Variants in MYOCD observed in about 807,000 individuals in gnomAD.
The protein encoded by MYOCD is myocardin.
A neutral mutation model predicts 96.1 loss-of-function variants in MYOCD; 32 were observed. That is an observed-to-expected ratio of 0.33 (90% confidence interval 0.25 to 0.45). MYOCD has a LOEUF of 0.45. Ranked by LOEUF, MYOCD falls within the 20% of genes least tolerant of loss-of-function variation. The probability of loss-of-function intolerance (pLI) is 1.00; values close to 1 mark genes in which losing one functional copy is unlikely to be tolerated. For missense variants in MYOCD, 1,133 were observed against 1,200.6 expected (o/e 0.94, Z 0.83); for synonymous variants, 469 against 469.0 (o/e 1.00, Z 0.00).
At chr17:12,755,822 A>C (rs2032996344) in intron 10 of MYOCD, among the ~76,000 whole-genome samples, 1 of 152,216 alleles carries the variant, frequency 6.6e-6, no homozygotes, top group African/African-American at 2.4e-5. Context: ...CAGTGAGCCG[A>C]GATCGCACCA....
chr17:12,695,714 C>T (rs1040710004), intron 1 of MYOCD, among the ~76,000 whole-genome samples: 6 of 152,114 alleles, frequency 3.9e-5, no homozygotes, highest in African/African-American at 1.2e-4. Context: ...TGGTATAATA[C>T]ACATAAAATG....
intron 1 of MYOCD, among the ~76,000 whole-genome samples, chr17:12,669,427 AC>A (rs1909566925): frequency 6.6e-6 from 1 of 152,108 alleles, no homozygotes; most frequent in Non-Finnish European, 1.5e-5. Context: ...ACTTGACCCC[AC>A]CCCCACAAAT....
At chr17:12,709,278 A>G (rs997377319) in intron 2 of MYOCD, among the ~76,000 whole-genome samples, 1 of 152,258 alleles carries the variant, frequency 6.6e-6, no homozygotes, top group African/African-American at 2.4e-5. Flanking sequence ...AGTAATAAAC[A>G]GTGGTTAGCA....
rs1210072737 is a variant in MYOCD at position 12,767,125 on chromosome 17, A to G, written c.*3481A>G. The G allele has an allele frequency of 6.6e-6, 1 of 152,166 alleles. No individual in the cohort carries two copies. The highest frequency in any genetic ancestry group is 2.4e-5 in the African/African-American group (1 of 41,454). The allele number at this position is 152,166 out of a possible 1,614,324, so 9.4% of individuals were successfully genotyped here. On this transcript the variant is annotated 3_prime_UTR_variant, in exon 14 of 14. Coordinates refer to ENST00000425538, the MANE Select transcript of MYOCD (RefSeq NM_001146312.3). ...AAACTTTCTGATCTATGAACTTCTC[A>G]GTTCAGCTGTCACATTATGAGAAGT... is the stretch of plus-strand genomic sequence containing the variant.
intron 7 of MYOCD, 151 bp from the exon 8 acceptor site, chr17:12,744,032 A>G (rs2032587785): frequency 1.1e-6 from 1 of 871,496 alleles, no homozygotes; most frequent in Admixed American, 2.8e-5. Context: ...TTAGTGTCCT[A>G]GGAGCTCTTT....
rs781111084 is a variant in MYOCD at position 12,763,134 on chromosome 17, A to G, written c.2451A>G (p.Arg817=). The G allele has an allele frequency of 1.9e-6, 3 of 1,614,100 alleles. No homozygotes were observed. Among genetic ancestry groups the G allele is most frequent in the Non-Finnish European group, 2.5e-6 (3 of 1,180,014 alleles). ...TTCAAAAAGTCCCAAAGATACCCAG[A>G]TCTTCCCGAAGTCCAACTGCTGTCC... is the stretch of plus-strand genomic sequence containing the variant. ...SCLQKVPKIP[R]SSRSPTAVLT... The change falls in exon 14 of 14, where the codon AGA becomes AGG. Residue 817 remains arginine (R), a synonymous_variant. Coordinates refer to ENST00000425538, the MANE Select transcript of MYOCD (RefSeq NM_001146312.3).
chr17:12,674,430 A>G (rs1909890620), intron 1 of MYOCD, among the ~76,000 whole-genome samples: 2 of 152,212 alleles, frequency 1.3e-5, no homozygotes, highest in South Asian at 4.1e-4. Context: ...ATTCCTACAA[A>G]GTCCCAGGGG....
At chr17:12,730,845 T>A (rs1191525216) in intron 5 of MYOCD, among the ~76,000 whole-genome samples, 2 of 152,224 alleles carry the variant, frequency 1.3e-5, no homozygotes, top group African/African-American at 4.8e-5. Flanking sequence ...TTCTACTTCA[T>A]GGTTTCCTGC....
intron 4 of MYOCD, among the ~76,000 whole-genome samples, chr17:12,718,361 G>A (rs182167198): frequency 1.3e-4 from 20 of 152,286 alleles, no homozygotes; most frequent in South Asian, 2.1e-4. Flanking sequence ...GGGCTGGAAC[G>A]TGAGGGCTGA....
intron 2 of MYOCD, among the ~76,000 whole-genome samples, chr17:12,710,774 CTTCT>C (rs1357559743): frequency 3.3e-5 from 5 of 152,182 alleles, no homozygotes; most frequent in Non-Finnish European, 7.3e-5. Context: ...TGCCTCTTCC[CTTCT>C]TTCTAACATC....
chr17:12,744,362 C>G lies in MYOCD; in HGVS notation c.897C>G (p.Leu299=), dbSNP rs984775004. 1.2e-6 allele frequency: 2 copies of G among 1,614,064 alleles called. No individual in the cohort carries two copies. The highest frequency in any genetic ancestry group is 2.7e-5 in the African/African-American group (2 of 74,932). The change falls in exon 8 of 14, where the codon CTC becomes CTG. Residue 299 remains leucine (L), a synonymous_variant. Transcript: ENST00000425538. ...LLQQQQLFLQ[L]QILSQQQQQQ... is the part of the protein sequence containing the mutation. ...AGCAACAGCAGCTGTTCCTGCAGCT[C>G]CAAATCCTCAGCCAGCAGCAGCAGC... is the stretch of plus-strand genomic sequence containing the variant.
rs71364184 is a variant in MYOCD, at chr17:12,733,022, C to T, written c.416-3139C>T. Among the ~76,000 whole-genome samples the T allele has an allele frequency of 1.1e-4, 16 of 152,214 alleles. No individual in the cohort carries two copies. The East Asian group carries it at 1.7e-3, about 17-fold the overall frequency. On this transcript the variant is annotated intron_variant, in intron 5 of 13. Transcript: ENST00000425538. ...AGCCTTAGCATATGACCTATGTATA[C>T]GAAGTAGGCTGGGCGCGGTGGCTCA...
intron 6 of MYOCD, among the ~76,000 whole-genome samples, chr17:12,738,724 G>T (rs1275795949): frequency 6.7e-6 from 1 of 150,232 alleles, no homozygotes; most frequent in African/African-American, 2.5e-5. Flanking sequence ...CTTGTTCATT[G>T]TCCTACTTTC....
chr17:12,697,353 A>AT (rs1567576166), intron 1 of MYOCD, among the ~76,000 whole-genome samples: 73 of 86,762 alleles, frequency 8.4e-4, no homozygotes, highest in African/African-American at 3.9e-3. Context: ...ATATATATAT[A>AT]TATATATTTT....
intron 5 of MYOCD, among the ~76,000 whole-genome samples, chr17:12,725,764 T>C (rs1281426126): frequency 1.3e-5 from 2 of 151,942 alleles, no homozygotes; most frequent in Non-Finnish European, 2.9e-5. Flanking sequence ...CTCTCTTAAA[T>C]CGGATTTTTC....
chr17:12,678,313 C>CAA (rs34341177), intron 1 of MYOCD, among the ~76,000 whole-genome samples: 5,204 of 147,876 alleles, frequency 0.035, 199 homozygotes, highest in Admixed American at 0.089. Flanking sequence ...CTTTTCCTTT[C>CAA]AAAAAAAAAA....
At chr17:12,750,131 C>T (rs2032803924) in intron 9 of MYOCD, among the ~76,000 whole-genome samples, 1 of 152,062 alleles carries the variant, frequency 6.6e-6, no homozygotes, top group Admixed American at 6.6e-5. Flanking sequence ...GCCACGGCGC[C>T]CGGCTAAAGT....
Position 12,666,249 on chromosome 17 carries a change from G to A in MYOCD, c.55+6G>A. ...TAGGAGCAAGTTCAGATCAGGTAGG[G>A]CTAAGGCATTTAGCATTCCTTCTTA... On this transcript the variant is annotated splice_donor_region_variant and intron_variant, in intron 1 of 13. Coordinates refer to ENST00000425538, the MANE Select transcript of MYOCD (RefSeq NM_001146312.3). 6.2e-7 allele frequency: 1 copy of A among 1,605,548 alleles called. No homozygotes were observed. The highest frequency in any genetic ancestry group is 8.5e-7 in the Non-Finnish European group (1 of 1,172,242).
intron 7 of MYOCD, among the ~76,000 whole-genome samples, chr17:12,743,175 C>A (rs2032562513): frequency 6.6e-6 from 1 of 152,174 alleles, no homozygotes; most frequent in Admixed American, 6.5e-5. Flanking sequence ...GTGTCCAAAT[C>A]ATGCAATACA....
Sources: gnomAD v4.1 joint callset for allele counts (sites outside exome capture counted in the v4.1 genomes callset) on GRCh38, gnomAD v4.1.1 for gene constraint, MANE v1.5 for transcripts, NCBI Gene and HGNC (gene_info 2026-07-23, HGNC 2026-07-21) for gene names.